The following HNRNPA1L2 variants were observed in gnomAD, a reference collection of about 807,000 sequenced individuals.
HNRNPA1L2 encodes heterogeneous nuclear ribonucleoprotein A1 like 2.
HNRNPA1L2 carries 10 observed loss-of-function variants against 18.2 expected under a neutral mutation model. The ratio of observed to expected loss-of-function variants is 0.55; its 90% CI spans 0.34 to 0.93. The LOEUF is 0.93. HNRNPA1L2 is among the 40% of genes least tolerant of loss of function. The probability of loss-of-function intolerance (pLI) is 0.02; values close to 1 mark genes in which losing one functional copy is unlikely to be tolerated. For synonymous variants in HNRNPA1L2, 124 were observed against 138.6 expected (o/e 0.89, Z 0.74); for missense variants, 308 against 394.4 (o/e 0.78, Z 1.85).
upstream of HNRNPA1L2, chr13:52,642,380 GA>G: frequency 7.2e-7 from 1 of 1,379,658 alleles, no homozygotes; most frequent in Non-Finnish European, 9.9e-7. Context: ...GAATCAGCCA[GA>G]ATCTCATCCA....
At chr13:52,617,711 C>A in the HNRNPA1L2 span, 1 of 436,178 alleles carries the variant, frequency 2.3e-6, no homozygotes, top group Non-Finnish European at 4.2e-6. Context: ...TTTGGCTCCG[C>A]AGGTCCTCGG....
At chr13:52,636,344 A>G in the HNRNPA1L2 span, among the ~76,000 whole-genome samples, 1 of 152,230 alleles carries the variant, frequency 6.6e-6, no homozygotes, top group African/African-American at 2.4e-5. Flanking sequence ...TTAAGAAGCC[A>G]TCAAGCTGTT....
At chr13:52,642,367 A>G, upstream of HNRNPA1L2, 1 of 1,286,034 alleles carries the variant, frequency 7.8e-7, no homozygotes, top group Non-Finnish European at 1.1e-6. Context: ...TATTTCCCAA[A>G]GAGAATCAGC....
chr13:52,623,342 A>G, the HNRNPA1L2 span, among the ~76,000 whole-genome samples: 15 of 152,318 alleles, frequency 9.8e-5, no homozygotes, highest in East Asian at 2.7e-3. Context: ...TTTCTTTCCA[A>G]TTAGGCATGA....
At chr13:52,628,755 A>T in the HNRNPA1L2 span, among the ~76,000 whole-genome samples, 1 of 152,268 alleles carries the variant, frequency 6.6e-6, no homozygotes, top group Non-Finnish European at 1.5e-5. Flanking sequence ...ACTTTTTAAA[A>T]TTTAATTTAA....
chr13:52,636,026 G>C, the HNRNPA1L2 span, among the ~76,000 whole-genome samples: 1 of 152,014 alleles, frequency 6.6e-6, no homozygotes, highest in East Asian at 1.9e-4. Flanking sequence ...TAGTAAAGAT[G>C]GGGTTTCATC....
the HNRNPA1L2 span, among the ~76,000 whole-genome samples, chr13:52,632,162 T>C: frequency 6.6e-6 from 1 of 152,198 alleles, no homozygotes; most frequent in African/African-American, 2.4e-5. Flanking sequence ...AAATAAAAAT[T>C]AATGCTAATT....
At chr13:52,638,000 A>C (rs1961517090), upstream of HNRNPA1L2, among the ~76,000 whole-genome samples, 1 of 152,224 alleles carries the variant, frequency 6.6e-6, no homozygotes. Flanking sequence ...GATAATTCTT[A>C]TACAAAAACA....
chr13:52,624,831 C>G, the HNRNPA1L2 span, among the ~76,000 whole-genome samples: 6 of 152,016 alleles, frequency 3.9e-5, no homozygotes, highest in African/African-American at 1.4e-4. Context: ...GGAGCTGAGA[C>G]CTACCTGATC....
chr13:52,625,740 T>C, the HNRNPA1L2 span, among the ~76,000 whole-genome samples: 2 of 152,360 alleles, frequency 1.3e-5, no homozygotes, highest in Admixed American at 1.3e-4. Context: ...AGATAACAGT[T>C]CTGAAAGTAC....
chr13:52,639,090 G>C (rs1228039483), upstream of HNRNPA1L2, among the ~76,000 whole-genome samples: 1 of 152,182 alleles, frequency 6.6e-6, no homozygotes, highest in Non-Finnish European at 1.5e-5. Context: ...TGGGGCTTAG[G>C]ATGGTTTGAC....
chr13:52,618,491 A>C, the HNRNPA1L2 span, among the ~76,000 whole-genome samples: 2 of 152,194 alleles, frequency 1.3e-5, no homozygotes, highest in African/African-American at 4.8e-5. Flanking sequence ...GGACCAGCTG[A>C]ATGGAGGAGA....
chr13:52,629,379 G>A, the HNRNPA1L2 span: 1 of 224,338 alleles, frequency 4.5e-6, no homozygotes. Context: ...TTTGTAGTCT[G>A]CTGGGTTTTG....
At chr13:52,629,549 C>T in the HNRNPA1L2 span, among the ~76,000 whole-genome samples, 4 of 152,142 alleles carry the variant, frequency 2.6e-5, no homozygotes, top group African/African-American at 9.7e-5. Flanking sequence ...GTTAGCCAGT[C>T]CTGCATTTTT....
chr13:52,618,467 A>G, the HNRNPA1L2 span, among the ~76,000 whole-genome samples: 1 of 152,232 alleles, frequency 6.6e-6, no homozygotes, highest in Non-Finnish European at 1.5e-5. Context: ...GGTTAGTAGC[A>G]GTGAAGATGG....
chr13:52,642,974 A>C lies in HNRNPA1L2; in HGVS notation c.482A>C (p.Lys161Thr). 6.3e-7 allele frequency: 1 copy of C among 1,597,380 alleles called. No homozygotes were observed. The highest frequency in any genetic ancestry group is 8.5e-7 in the Non-Finnish European group (1 of 1,179,822). ...VTFDDHDSVD[K>T]IVIQKYHTVK... Reference sequence around the variant, plus strand: ...TTTGACGACCATGACTCCGTGGATAAGATTGTCATTCAGAAATACCATACT... The same window carrying C: ...TTTGACGACCATGACTCCGTGGATACGATTGTCATTCAGAAATACCATACT... The change falls in exon 1 of 1, where the codon AAG becomes ACG. Residue 161 changes from lysine (K) to threonine (T), a missense_variant. Transcript: ENST00000357495.
the HNRNPA1L2 span, among the ~76,000 whole-genome samples, chr13:52,634,435 A>G: frequency 6.6e-6 from 1 of 152,250 alleles, no homozygotes; most frequent in Non-Finnish European, 1.5e-5. Context: ...TCTAGTGAGG[A>G]AAGTAGCACA....
At chr13:52,630,562 C>T in the HNRNPA1L2 span, among the ~76,000 whole-genome samples, 16 of 152,294 alleles carry the variant, frequency 1.1e-4, no homozygotes, top group South Asian at 2.1e-4. Flanking sequence ...TGAGCCACCA[C>T]GCCCGGCCTA....
upstream of HNRNPA1L2, chr13:52,642,183 C>G (rs746249757): frequency 1.0e-4 from 39 of 387,058 alleles, no homozygotes; most frequent in Non-Finnish European, 1.4e-4. Context: ...TTGGTGATCC[C>G]AACAATGTGG....
Sources: gnomAD v4.1 joint callset for allele counts (sites outside exome capture counted in the v4.1 genomes callset) on GRCh38, gnomAD v4.1.1 for gene constraint, MANE v1.5 for transcripts, NCBI Gene and HGNC (gene_info 2026-07-23, HGNC 2026-07-21) for gene names.